ATG7: variants seen among roughly 807,000 people sequenced by gnomAD.
The protein encoded by ATG7 is autophagy related 7.
A neutral mutation model predicts 82.4 loss-of-function variants in ATG7; 70 were observed. That is an observed-to-expected ratio of 0.85 (90% CI 0.70 to 1.04). The LOEUF (loss-of-function observed/expected upper bound fraction) is 1.04. ATG7 is among the 50% of genes least tolerant of loss of function. The pLI, the probability that ATG7 is intolerant of heterozygous loss-of-function variation, is 0.00. For synonymous variants in ATG7, 287 were observed against 313.0 expected (o/e 0.92, Z 0.88); for missense variants, 792 against 864.3 (o/e 0.92, Z 1.05).
chr3:11,373,688 C>T (rs936063301), intron 18 of ATG7, among the ~76,000 whole-genome samples: 3 of 152,292 alleles, frequency 2.0e-5, no homozygotes, highest in South Asian at 4.1e-4. Context: ...TTGGGAGTTG[C>T]GGCCTGGCCT....
At chr3:11,541,769 A>G (rs1171911290) in intron 20 of ATG7, among the ~76,000 whole-genome samples, 3 of 152,194 alleles carry the variant, frequency 2.0e-5, no homozygotes, top group Non-Finnish European at 4.4e-5. Flanking sequence ...GAGAACAAAC[A>G]TGTAAAAGTG....
intron 19 of ATG7, among the ~76,000 whole-genome samples, chr3:11,382,563 G>T (rs2077991735): frequency 6.6e-6 from 1 of 152,122 alleles, no homozygotes; most frequent in Admixed American, 6.5e-5. Flanking sequence ...TAAACAGATG[G>T]TATTTGTCAA....
rs186424847 is a variant in ATG7 at position 11,350,176 on chromosome 3, T to C, written c.1284+2141T>C. On this transcript the variant is annotated intron_variant, in intron 14 of 20. Coordinates refer to ENST00000693202, the MANE Select transcript of ATG7 (RefSeq NM_001349232.2). ...GCTTTAGAAGCATTGTTAATGTTTT[T>C]GTCCATTTCACTAGAGTCCCTGAGG... Among the ~76,000 whole-genome samples the C allele has an allele frequency of 2.2e-4, 34 of 152,358 alleles. 1 individual carries two copies. The highest frequency in any genetic ancestry group is 1.9e-3 in the Admixed American group (29 of 15,308).
intron 6 of ATG7, among the ~76,000 whole-genome samples, 168 bp downstream of exon 6, chr3:11,307,228 CCTT>C (rs1221544657): frequency 6.6e-6 from 1 of 152,196 alleles, no homozygotes; most frequent in East Asian, 1.9e-4. Context: ...CCAGCTGTCT[CCTT>C]CTGTATTGGC....
chr3:11,338,530 T>G (rs1318543379), intron 11 of ATG7, among the ~76,000 whole-genome samples: 5 of 152,156 alleles, frequency 3.3e-5, no homozygotes, highest in African/African-American at 1.2e-4. Context: ...GAAACTCAAA[T>G]CTGACTGGGT....
At position 11,512,594 on chromosome 3, in the gene ATG7, G is replaced by A. The variant is rs374591354; in HGVS notation, c.2080-42217G>A. Among the ~76,000 whole-genome samples, 25 of 152,332 alleles carry A rather than the reference G, an allele frequency of 1.6e-4. No individual in the cohort carries two copies. In the South Asian group the frequency reaches 3.5e-3, roughly 21 times the overall value. ...GTGTTAACAGTTCTTAAAGCGGCAC[G>A]TCTGGAGTTATTTGTTCCTCCTGGT... On this transcript the variant is annotated intron_variant, in intron 20 of 20. Coordinates refer to ENST00000693202, the MANE Select transcript of ATG7 (RefSeq NM_001349232.2).
At position 11,556,592 on chromosome 3, in the gene ATG7, C is replaced by G. The variant is rs1383989417; in HGVS notation, c.*1749C>G. 3 of 151,810 alleles carry G rather than the reference C, an allele frequency of 2.0e-5. No homozygotes were observed. The highest frequency in any genetic ancestry group is 2.9e-5 in the Non-Finnish European group (2 of 67,890). The allele number at this position is 151,810 out of a possible 1,614,324, so 9.4% of individuals were successfully genotyped here. A position where few individuals can be genotyped will look rare whatever the true frequency, so the allele number is the denominator to read the frequency against. On this transcript the variant is annotated 3_prime_UTR_variant, in exon 21 of 21. Coordinates refer to ENST00000693202, the MANE Select transcript of ATG7 (RefSeq NM_001349232.2). ...TGTTCCTGCACTTTTACAGACAAAT[C>G]TACGACAAAAAAAAAGATCAACTTT...
At chr3:11,435,344 GA>G (rs2083276035) in intron 20 of ATG7, among the ~76,000 whole-genome samples, 1 of 152,054 alleles carries the variant, frequency 6.6e-6, no homozygotes, top group South Asian at 2.1e-4. Context: ...TCCTTCACCA[GA>G]CTCGGTGCCA....
At chr3:11,294,445 A>C (rs1945518162) in intron 3 of ATG7, among the ~76,000 whole-genome samples, 1 of 151,920 alleles carries the variant, frequency 6.6e-6, no homozygotes, top group South Asian at 2.1e-4. Context: ...GCTGGTCCTG[A>C]ACTCCTAACC....
intron 3 of ATG7, among the ~76,000 whole-genome samples, chr3:11,293,250 C>T (rs2152678961): frequency 6.6e-6 from 1 of 152,258 alleles, no homozygotes; most frequent in Non-Finnish European, 1.5e-5. Context: ...AATGATTTGG[C>T]CGGGTGTGGT....
chr3:11,462,031 CA>C (rs202025031), intron 20 of ATG7, among the ~76,000 whole-genome samples: 2 of 148,376 alleles, frequency 1.3e-5, no homozygotes, highest in Non-Finnish European at 3.0e-5. Context: ...ACTCTGTCTC[CA>C]AAAAAAAAGA....
At chr3:11,534,441 C>T (rs529725610) in intron 20 of ATG7, among the ~76,000 whole-genome samples, 11 of 152,366 alleles carry the variant, frequency 7.2e-5, no homozygotes, top group Middle Eastern at 3.4e-3. Flanking sequence ...CTTCTGCTCA[C>T]AGGCAGGTCC....
Position 11,358,436 on chromosome 3 carries a change from A to G in ATG7, c.1303A>G (p.Met435Val), listed in dbSNP as rs371125496. The G allele has an allele frequency of 4.5e-5, 73 of 1,613,468 alleles. No individual in the cohort carries two copies. The highest frequency in any genetic ancestry group is 5.7e-5 in the Non-Finnish European group (67 of 1,179,740). ...FPGVNARGFNMSIPMPGHPVN... is the reference protein window; with the variant it reads ...FPGVNARGFNVSIPMPGHPVN... ...TCCCTAGAATGCCAGAGGATTCAAC[A>G]TGAGCATACCTATGCCTGGGCATCC... Residue 435 changes from methionine (M) to valine (V), a missense_variant, in exon 15 of 21, where the codon ATG becomes GTG. Physicochemically the swap from Met to Val is conservative, Grantham distance 21. Transcript: ENST00000693202.
chr3:11,487,023 A>T (rs558710193), intron 20 of ATG7, among the ~76,000 whole-genome samples: 98 of 151,422 alleles, frequency 6.5e-4, no homozygotes, highest in African/African-American at 2.2e-3. Context: ...GAGATGAGGG[A>T]TTGGTGATGA....
chr3:11,325,466 G>A (rs1950746003), intron 9 of ATG7, among the ~76,000 whole-genome samples: 1 of 152,182 alleles, frequency 6.6e-6, no homozygotes, highest in Non-Finnish European at 1.5e-5. Context: ...GAGGTCCGGA[G>A]TTCGTGACCA....
intron 20 of ATG7, among the ~76,000 whole-genome samples, chr3:11,450,362 T>C (rs543308635): frequency 2.0e-5 from 3 of 152,334 alleles, no homozygotes; most frequent in Admixed American, 6.5e-5. Context: ...TGTTTGACCA[T>C]GGTTTTCATG....
At chr3:11,351,112 T>C (rs2075508273) in intron 14 of ATG7, among the ~76,000 whole-genome samples, 1 of 152,114 alleles carries the variant, frequency 6.6e-6, no homozygotes, top group African/African-American at 2.4e-5. Context: ...CTTCCCACTG[T>C]TTATTTGTTT....
intron 7 of ATG7, 144 bp downstream of exon 7, chr3:11,309,205 A>G: frequency 6.0e-6 from 5 of 829,320 alleles, no homozygotes; most frequent in Middle Eastern, 2.5e-4. Flanking sequence ...CGCTCATTTG[A>G]TTAGTGGCCA....
intron 14 of ATG7, 45 bp from the exon 15 acceptor site, chr3:11,358,373 C>T: frequency 6.4e-7 from 1 of 1,570,038 alleles, no homozygotes; most frequent in Non-Finnish European, 8.7e-7. Flanking sequence ...GAGATATTAC[C>T]TATACCATTG....
Sources: allele counts gnomAD v4.1 joint callset (sites outside exome capture counted in the v4.1 genomes callset), GRCh38; gene constraint gnomAD v4.1.1; transcripts MANE v1.5; gene names NCBI Gene and HGNC (gene_info 2026-07-23, HGNC 2026-07-21).